Variants in HS2ST1 observed in about 807,000 individuals in gnomAD.
The protein encoded by HS2ST1 is 2-O-sulfotransferase.
In HS2ST1, 18 loss-of-function variants were observed where a neutral mutation model predicts 42.9. The observed-to-expected ratio is 0.42, with a 90% CI of 0.29 to 0.62. The LOEUF is 0.62. HS2ST1 is among the 20% of genes least tolerant of loss of function. The probability of loss-of-function intolerance (pLI) is 0.21; values close to 1 mark genes in which losing one functional copy is unlikely to be tolerated. For synonymous variants in HS2ST1, 146 were observed against 152.9 expected (o/e 0.95, Z 0.33); for missense variants, 334 against 433.8 (o/e 0.77, Z 2.04).
In HS2ST1 at chr1:87,037,508, A is replaced by G. The variant is rs540533948; in HGVS notation, c.125-35426A>G. On this transcript the variant is annotated intron_variant, in intron 1 of 6. Transcript: ENST00000370550. ...GTCCAAAGGTTATGTCAGAATTATC[A>G]AACATTAATATTTTTGCATATTTAG... Among the ~76,000 whole-genome samples the G allele has an allele frequency of 6.6e-5, 10 of 151,972 alleles. No homozygotes were observed. The East Asian group carries it at 1.9e-3, about 29-fold the overall frequency.
chr1:87,013,549 A>G (rs1369492489), intron 1 of HS2ST1, among the ~76,000 whole-genome samples: 3 of 152,216 alleles, frequency 2.0e-5, no homozygotes, highest in African/African-American at 7.2e-5. Context: ...AAGACATGTC[A>G]TGCCCTGGAG....
chr1:86,938,179 G>A (rs72947873), intron 1 of HS2ST1, among the ~76,000 whole-genome samples: 4,371 of 152,032 alleles, frequency 0.029, 220 homozygotes, highest in African/African-American at 0.1. Flanking sequence ...TGTGTTTGGA[G>A]ATGGACTGTA....
intron 4 of HS2ST1, among the ~76,000 whole-genome samples, chr1:87,096,385 A>C (rs1652066977): frequency 6.6e-6 from 1 of 152,208 alleles, no homozygotes; most frequent in Non-Finnish European, 1.5e-5. Flanking sequence ...GGACTTTTCA[A>C]ATGTTAACAT....
chr1:86,988,319 TTCTGTC>T (rs1400241885), intron 1 of HS2ST1, among the ~76,000 whole-genome samples: 2 of 152,198 alleles, frequency 1.3e-5, no homozygotes, highest in Admixed American at 1.3e-4. Flanking sequence ...GGGGACACTG[TTCTGTC>T]TGTTGTCCCC....
At chr1:86,928,771 A>C (rs1007127832) in intron 1 of HS2ST1, among the ~76,000 whole-genome samples, 4 of 152,018 alleles carry the variant, frequency 2.6e-5, no homozygotes, top group African/African-American at 9.6e-5. Context: ...TGAAGGTTAA[A>C]ACAAAAAAGC....
chr1:86,934,644 T>C (rs1660605799), intron 1 of HS2ST1: 1 of 152,302 alleles, frequency 6.6e-6, no homozygotes, highest in Admixed American at 6.5e-5. Flanking sequence ...TAACTGATTT[T>C]CGGCCGGGCA....
chr1:86,959,689 A>G (rs1163475360), intron 1 of HS2ST1, among the ~76,000 whole-genome samples: 14 of 152,164 alleles, frequency 9.2e-5, no homozygotes, highest in African/African-American at 3.1e-4. Flanking sequence ...GCAGTGTTGC[A>G]ATACCATTTA....
chr1:86,929,002 G>A (rs540492591), intron 1 of HS2ST1, among the ~76,000 whole-genome samples: 7 of 151,966 alleles, frequency 4.6e-5, no homozygotes, highest in African/African-American at 1.7e-4. Flanking sequence ...AAGCCATCAT[G>A]ACCTCTGAAC....
chr1:87,046,394 C>T, intron 1 of HS2ST1: 1 of 793,432 alleles, frequency 1.3e-6, no homozygotes. Flanking sequence ...GACCCTGAAG[C>T]TGCCTGGGAA....
intron 1 of HS2ST1, among the ~76,000 whole-genome samples, chr1:86,929,787 T>C (rs938944060): frequency 6.6e-6 from 1 of 151,872 alleles, no homozygotes; most frequent in African/African-American, 2.4e-5. Context: ...TTTATTATAT[T>C]GTCAGTTTTC....
chr1:87,011,377 G>A (rs1206094114), intron 1 of HS2ST1, among the ~76,000 whole-genome samples: 1 of 151,862 alleles, frequency 6.6e-6, no homozygotes, highest in African/African-American at 2.4e-5. Flanking sequence ...CCAACAGCTG[G>A]GACCACAGGT....
rs1354625907 is a variant in HS2ST1, at chr1:87,014,366, G to A, written c.125-58568G>A. Among the ~76,000 whole-genome samples the A allele has an allele frequency of 2.6e-5, 4 of 152,084 alleles. No individual in the cohort carries two copies. In the East Asian group the frequency reaches 7.7e-4, roughly 29 times the overall value. ...TTTATAAAACCATTAGATCTTGTGG[G>A]ACTTATTTAATAGTACAAGAACAGC... is the stretch of plus-strand genomic sequence containing the variant. On this transcript the variant is annotated intron_variant, in intron 1 of 6. Transcript: ENST00000370550.
intron 1 of HS2ST1, among the ~76,000 whole-genome samples, chr1:87,071,126 G>A (rs1651393717): frequency 6.6e-6 from 1 of 152,090 alleles, no homozygotes. Flanking sequence ...ATGTACTTCT[G>A]TTTTGGAAGG....
chr1:87,044,845 C>G (rs1412754304), intron 1 of HS2ST1: 8 of 836,502 alleles, frequency 9.6e-6, no homozygotes, highest in Non-Finnish European at 9.0e-6. Flanking sequence ...ATTTTTTCCC[C>G]TTTGGAACAA....
chr1:87,083,930 CT>C (rs1423026413), intron 2 of HS2ST1, among the ~76,000 whole-genome samples: 1 of 152,154 alleles, frequency 6.6e-6, no homozygotes, highest in Non-Finnish European at 1.5e-5. Context: ...AATGTACTCA[CT>C]CTACAGCATT....
At chr1:87,084,373 A>G (rs1434781881) in intron 3 of HS2ST1, 94 bp downstream of exon 3, 1 of 742,056 alleles carries the variant, frequency 1.3e-6, no homozygotes, top group Non-Finnish European at 2.2e-6. Flanking sequence ...TTTTCTAATA[A>G]AAGAATGTAC....
chr1:86,946,110 T>C (rs1439330177), intron 1 of HS2ST1, among the ~76,000 whole-genome samples: 1 of 152,208 alleles, frequency 6.6e-6, no homozygotes, highest in African/African-American at 2.4e-5. Flanking sequence ...AATTTAGAAG[T>C]TGATTTTTAT....
intron 1 of HS2ST1, among the ~76,000 whole-genome samples, chr1:87,006,891 T>C (rs1205972904): frequency 6.6e-6 from 1 of 152,144 alleles, no homozygotes; most frequent in African/African-American, 2.4e-5. Context: ...GTTAACTTTC[T>C]GTTGTAGAAT....
At chr1:87,001,757 G>T (rs554230516) in intron 1 of HS2ST1, among the ~76,000 whole-genome samples, 43 of 152,088 alleles carry the variant, frequency 2.8e-4, no homozygotes, top group Non-Finnish European at 5.3e-4. Flanking sequence ...GGGATTACAG[G>T]CATGTGCCAC....
Sources: gnomAD v4.1 joint callset for allele counts (sites outside exome capture counted in the v4.1 genomes callset) on GRCh38, gnomAD v4.1.1 for gene constraint, MANE v1.5 for transcripts, NCBI Gene and HGNC (gene_info 2026-07-23, HGNC 2026-07-21) for gene names.